Variants in HEATR5A observed in about 807,000 individuals in gnomAD.
HEATR5A encodes the protein HEAT repeat-containing protein 5A.
In HEATR5A, 178 loss-of-function variants were observed where a neutral mutation model predicts 218.8. The ratio of observed to expected loss-of-function variants is 0.81; its 90% CI spans 0.72 to 0.92. HEATR5A has a LOEUF of 0.92. Ranked by LOEUF, HEATR5A falls within the 40% of genes least tolerant of loss-of-function variation. The pLI is 0.00. For missense variants in HEATR5A, 2,420 were observed against 2,418.9 expected (o/e 1.00, Z -0.01); for synonymous variants, 864 against 871.6 (o/e 0.99, Z 0.15).
rs769804416 is a variant in HEATR5A at position 31,343,961 on chromosome 14, G to C, written c.3163C>G (p.Leu1055Val). Reference sequence around the variant, plus strand: ...GGAGCAAACATATGAAGCTGCTGAAGGCAAGAGATGGCCTGAGCTTGAACA... The same window carrying C: ...GGAGCAAACATATGAAGCTGCTGAACGCAAGAGATGGCCTGAGCTTGAACA... ...CLVQAQAISC[L>V]QQLHMFAPRH... is the part of the protein sequence containing the mutation. Residue 1055 changes from leucine to valine, a missense_variant, in exon 21 of 36, where the codon CTT becomes GTT. By Grantham distance (32) the Leu-to-Val change is conservative. Coordinates refer to ENST00000543095, the MANE Select transcript of HEATR5A (RefSeq NM_015473.4). 4 of 1,611,804 alleles carry C rather than the reference G, an allele frequency of 2.5e-6. No homozygotes were observed. The South Asian group carries it at 3.3e-5, about 13-fold the overall frequency.
chr14:31,386,513 G>T lies in HEATR5A; in HGVS notation c.1252C>A (p.Gln418Lys). 4 of 1,610,504 alleles carry T rather than the reference G, an allele frequency of 2.5e-6. No individual in the cohort carries two copies. Among genetic ancestry groups the T allele is most frequent in the Non-Finnish European group, 3.4e-6 (4 of 1,178,842 alleles). The change falls in exon 9 of 36, where the codon CAA becomes AAA. Residue 418 changes from glutamine (Q) to lysine (K), a missense_variant. Physicochemically the swap from Gln to Lys is moderately conservative, Grantham distance 53 (BLOSUM62 1). Coordinates refer to ENST00000543095, the MANE Select transcript of HEATR5A (RefSeq NM_015473.4). The part of the protein sequence containing the change: ...RLGSTDVAAS[Q>K]HMLVCALQEL... ...TGTAAAGCACAAACCAGCATATGTTGGCTAGCGGCTACATCTGTGGAACCA... is the reference window on the plus strand; with the variant it reads ...TGTAAAGCACAAACCAGCATATGTTTGCTAGCGGCTACATCTGTGGAACCA...
chr14:31,304,361 G>A (rs1899485131), intron 32 of HEATR5A, among the ~76,000 whole-genome samples: 6 of 152,164 alleles, frequency 3.9e-5, no homozygotes, highest in Admixed American at 3.9e-4. Context: ...TGACTGGTCA[G>A]AAGTACTGTC....
In HEATR5A at chr14:31,419,048, T is replaced by C. The variant is rs58850422; in HGVS notation, c.-75+1424A>G. On this transcript the variant is annotated intron_variant, in intron 1 of 35. Coordinates refer to ENST00000543095, the MANE Select transcript of HEATR5A (RefSeq NM_015473.4). ...TGTATTTTCTGTGACTAAAGTCAGA[T>C]ACAATAATGAATAATACTAAAAAAG... 2.3e-3 allele frequency among the ~76,000 whole-genome samples: 357 copies of C among 152,278 alleles called. 2 individuals are homozygous for C. The highest frequency in any genetic ancestry group is 7.8e-3 in the African/African-American group (326 of 41,578).
Position 31,323,576 on chromosome 14 carries a change from C to T in HEATR5A, c.3776G>A (p.Arg1259Lys). ...DIALAQEMKK[R>K]DSRNDFLVLH... ...ACTATGTCACTTACTTCTTGAATCT[C>T]TTTTTTTCATTTCTTGTGCTAAAGC... The change falls in exon 24 of 36, where the codon AGA becomes AAA. Residue 1259 changes from arginine to lysine, a missense_variant. By Grantham distance (26) the Arg-to-Lys change is conservative (BLOSUM62 2). Transcript: ENST00000543095. 6.3e-7 allele frequency: 1 copy of T among 1,599,022 alleles called. No homozygotes were observed. Among genetic ancestry groups the T allele is most frequent in the South Asian group, 1.1e-5 (1 of 89,182 alleles).
rs2030927760 is a variant in HEATR5A, at chr14:31,402,796, A to G, written c.126+54T>C. On this transcript the variant is annotated intron_variant, in intron 2 of 35. Transcript: ENST00000543095. Reference sequence around the variant, plus strand: ...GGAAAAAACTAGAAAAGCAAACCAAAGGAAGTAAACATGGGCACTTAAACA... The same window carrying G: ...GGAAAAAACTAGAAAAGCAAACCAAGGGAAGTAAACATGGGCACTTAAACA... 2.3e-5 allele frequency: 35 copies of G among 1,507,118 alleles called. No homozygotes were observed. In the South Asian group the frequency reaches 3.3e-4, roughly 14 times the overall value. 93.4% of individuals were successfully genotyped at this position (1,507,118 alleles called of 1,614,324 possible). A position where few individuals can be genotyped will look rare whatever the true frequency, so the allele number is the denominator to read the frequency against.
chr14:31,408,003 C>T (rs2031141947), intron 1 of HEATR5A, among the ~76,000 whole-genome samples: 1 of 152,118 alleles, frequency 6.6e-6, no homozygotes, highest in Non-Finnish European at 1.5e-5. Flanking sequence ...ATGTGCTTAC[C>T]CTAAAGCCAA....
chr14:31,301,783 G>A (rs886579324), intron 33 of HEATR5A, among the ~76,000 whole-genome samples: 3 of 147,434 alleles, frequency 2.0e-5, no homozygotes, highest in South Asian at 2.2e-4. Context: ...GTGAGCCACC[G>A]TGCCTGGCCC....
chr14:31,303,119 A>AC (rs1899441351), intron 32 of HEATR5A, among the ~76,000 whole-genome samples: 1 of 151,750 alleles, frequency 6.6e-6, no homozygotes, highest in Non-Finnish European at 1.5e-5. Flanking sequence ...TAAAAAAAAA[A>AC]CCAACCAACT....
At position 31,394,311 on chromosome 14, in the gene HEATR5A, C is replaced by T. The variant is rs140512172; in HGVS notation, c.598-85G>A. On this transcript the variant is annotated intron_variant, in intron 5 of 35. Coordinates refer to ENST00000543095, the MANE Select transcript of HEATR5A (RefSeq NM_015473.4). Reference sequence around the variant, plus strand: ...CTATGTAAGTTGCAGAAACTATCAGCGTCTAACAAATAATATACAAATTCA... The same window carrying T: ...CTATGTAAGTTGCAGAAACTATCAGTGTCTAACAAATAATATACAAATTCA... 6.5e-5 allele frequency: 44 copies of T among 681,582 alleles called. No individual in the cohort carries two copies. The East Asian group carries it at 7.7e-4, about 12-fold the overall frequency. 42.2% of individuals were successfully genotyped at this position (681,582 alleles called of 1,614,324 possible).
chr14:31,311,669 G>A (rs958323968), intron 28 of HEATR5A, among the ~76,000 whole-genome samples: 1 of 146,188 alleles, frequency 6.8e-6, no homozygotes, highest in Non-Finnish European at 1.5e-5. Context: ...ATAGTGTTGT[G>A]TATATATATA....
At chr14:31,367,598 T>TA (rs34883519) in intron 13 of HEATR5A, among the ~76,000 whole-genome samples, 6 of 145,240 alleles carry the variant, frequency 4.1e-5, no homozygotes, top group Admixed American at 1.4e-4. Flanking sequence ...TTTTTTTTTT[T>TA]AGTACAGACG....
intron 1 of HEATR5A, among the ~76,000 whole-genome samples, chr14:31,410,897 T>C (rs915550742): frequency 3.9e-5 from 6 of 152,204 alleles, no homozygotes; most frequent in African/African-American, 1.4e-4. Context: ...ACCTTAATAT[T>C]AGTCTTTCTA....
intron 4 of HEATR5A, 127 bp from the exon 5 acceptor site, chr14:31,395,475 T>C (rs566625476): frequency 1.1e-5 from 5 of 437,970 alleles, no homozygotes; most frequent in African/African-American, 1.9e-5. Flanking sequence ...CAACCCATTA[T>C]GACATCAAGA....
chr14:31,381,878 A>G (rs930075114), intron 10 of HEATR5A, among the ~76,000 whole-genome samples: 1 of 152,244 alleles, frequency 6.6e-6, no homozygotes, highest in Non-Finnish European at 1.5e-5. Flanking sequence ...ACAAGGCCAG[A>G]GAGCATCTAA....
intron 31 of HEATR5A, among the ~76,000 whole-genome samples, chr14:31,306,396 T>TC (rs535660413): frequency 1.1e-3 from 163 of 152,208 alleles, no homozygotes; most frequent in African/African-American, 3.6e-3. Flanking sequence ...GGTGGGAGAA[T>TC]CACCTGAGCC....
chr14:31,414,174 G>C (rs992331000), intron 1 of HEATR5A, among the ~76,000 whole-genome samples: 1 of 152,156 alleles, frequency 6.6e-6, no homozygotes, highest in Non-Finnish European at 1.5e-5. Context: ...GAATGCCAGA[G>C]GCAGATTTTA....
intron 13 of HEATR5A, among the ~76,000 whole-genome samples, chr14:31,371,174 T>TA (rs1902023334): frequency 1.3e-5 from 2 of 152,380 alleles, no homozygotes; most frequent in East Asian, 3.9e-4. Context: ...AGCTGCAACA[T>TA]AGACTTCATA....
intron 11 of HEATR5A, among the ~76,000 whole-genome samples, chr14:31,377,898 T>C (rs762510975): frequency 1.3e-5 from 2 of 152,222 alleles, no homozygotes; most frequent in Non-Finnish European, 2.9e-5. Context: ...ATTAAAACTT[T>C]TAATCCCTTT....
intron 11 of HEATR5A, among the ~76,000 whole-genome samples, chr14:31,378,569 C>G (rs1175891244): frequency 6.6e-6 from 1 of 152,124 alleles, no homozygotes; most frequent in Non-Finnish European, 1.5e-5. Flanking sequence ...AGGTGGATCA[C>G]GAAGTCAGCA....
Sources: allele counts gnomAD v4.1 joint callset (sites outside exome capture counted in the v4.1 genomes callset), GRCh38; gene constraint gnomAD v4.1.1; transcripts MANE v1.5; gene names NCBI Gene and HGNC (gene_info 2026-07-23, HGNC 2026-07-21).